Variants in FHIT observed in about 807,000 individuals in gnomAD.
FHIT encodes bis(5'-adenosyl)-triphosphatase.
In FHIT, 19 loss-of-function variants were observed where a neutral mutation model predicts 17.9. The ratio of observed to expected loss-of-function variants is 1.06; its 90% CI spans 0.74 to 1.56. The LOEUF (loss-of-function observed/expected upper bound fraction) is 1.56. Ranked by LOEUF, FHIT falls within the 40% of genes most tolerant of loss-of-function variation. FHIT has a pLI of 0.00. For missense variants in FHIT, 248 were observed against 189.2 expected (o/e 1.31, Z -1.82); for synonymous variants, 81 against 69.7 (o/e 1.16, Z -0.81).
intron 5 of FHIT, among the ~76,000 whole-genome samples, chr3:60,346,021 T>G (rs139443388): frequency 1.3e-3 from 201 of 152,344 alleles, no homozygotes; most frequent in African/African-American, 4.6e-3. Flanking sequence ...CTATTCTTCC[T>G]TTTAAGATTT....
At chr3:60,255,133 T>C (rs187177653) in intron 5 of FHIT, among the ~76,000 whole-genome samples, 5 of 152,322 alleles carry the variant, frequency 3.3e-5, no homozygotes, top group Admixed American at 2.0e-4. Context: ...AGGTTAAGAA[T>C]AAAGTGTCAT....
intron 5 of FHIT, among the ~76,000 whole-genome samples, chr3:60,375,147 C>T (rs1000777341): frequency 1.1e-4 from 16 of 151,308 alleles, no homozygotes; most frequent in South Asian, 6.3e-4. Flanking sequence ...AACACTTTCA[C>T]GGTAGCAATT....
At chr3:60,744,246 T>TAAAAAAAAAAAAAAAAAAAAAAAAAAA (rs368982395) in intron 4 of FHIT, among the ~76,000 whole-genome samples, 2 of 30,934 alleles carry the variant, frequency 6.5e-5, no homozygotes, top group Non-Finnish European at 1.1e-4. Context: ...GGAAGTAATG[T>TAAAAAAAAAAAAAAAAAAAAAAAAAAA]AAAAAAAAAA....
At chr3:60,330,749 G>C (rs918660664) in intron 5 of FHIT, among the ~76,000 whole-genome samples, 1 of 152,206 alleles carries the variant, frequency 6.6e-6, no homozygotes, top group Non-Finnish European at 1.5e-5. Context: ...CAGTTTGGTT[G>C]TCTACAGAAC....
intron 3 of FHIT, among the ~76,000 whole-genome samples, chr3:60,891,875 G>A (rs1553760783): frequency 6.6e-6 from 1 of 152,150 alleles, no homozygotes; most frequent in African/African-American, 2.4e-5. Flanking sequence ...AGTTAAGTGA[G>A]CAAACAAGGA....
intron 8 of FHIT, among the ~76,000 whole-genome samples, chr3:59,879,202 G>A (rs1703295963): frequency 6.6e-6 from 1 of 151,900 alleles, no homozygotes; most frequent in South Asian, 2.1e-4. Flanking sequence ...ATCTCTCTGT[G>A]GTTCTTGTGC....
At chr3:59,908,562 A>G in intron 8 of FHIT, among the ~76,000 whole-genome samples, 1 of 152,196 alleles carries the variant, frequency 6.6e-6, no homozygotes, top group East Asian at 1.9e-4. Context: ...GATGCACACA[A>G]GGACCAGGCA....
At chr3:60,097,831 A>G (rs9829898) in intron 5 of FHIT, among the ~76,000 whole-genome samples, 84,083 of 138,282 alleles carry the variant, frequency 0.61, 26,268 homozygotes, top group East Asian at 0.9. Flanking sequence ...ATCATTTAGC[A>G]TTAGGTATAT....
At chr3:60,990,814 T>A (rs577140351) in intron 3 of FHIT, among the ~76,000 whole-genome samples, 1 of 152,344 alleles carries the variant, frequency 6.6e-6, no homozygotes, top group East Asian at 1.9e-4. Flanking sequence ...GTCACATTTT[T>A]AAAATAAAAC....
intron 5 of FHIT, among the ~76,000 whole-genome samples, chr3:60,478,563 T>C (rs2033457554): frequency 6.6e-6 from 1 of 152,120 alleles, no homozygotes; most frequent in Non-Finnish European, 1.5e-5. Flanking sequence ...AGAGTAACGA[T>C]CATGGTGATG....
intron 8 of FHIT, among the ~76,000 whole-genome samples, chr3:59,874,929 A>G (rs1168316891): frequency 6.6e-6 from 1 of 152,212 alleles, no homozygotes. Flanking sequence ...ATTTTTCAAA[A>G]GCAAAGCCAA....
chr3:61,152,920 G>A (rs753212380), intron 2 of FHIT, among the ~76,000 whole-genome samples: 1 of 151,850 alleles, frequency 6.6e-6, no homozygotes, highest in Non-Finnish European at 1.5e-5. Flanking sequence ...GAGATGGGAG[G>A]ATCACAAGAT....
intron 3 of FHIT, among the ~76,000 whole-genome samples, chr3:60,885,735 T>G (rs1184969545): frequency 6.6e-6 from 1 of 152,210 alleles, no homozygotes; most frequent in African/African-American, 2.4e-5. Context: ...TCTTTTATAT[T>G]TGTTAACTTC....
Position 60,337,689 on chromosome 3 carries a change from T to C in FHIT, c.103+199171A>G, listed in dbSNP as rs111819563. On this transcript the variant is annotated intron_variant, in intron 5 of 9. Transcript: ENST00000492590. ...ACTGCACTGAGTTGCTTTGATAAAC[T>C]GAGTTATGATCCTGGGAGAGAGTAC... 3.1e-3 allele frequency among the ~76,000 whole-genome samples: 468 copies of C among 152,230 alleles called. 1 individual carries two copies. The highest frequency in any genetic ancestry group is 0.011 in the African/African-American group (448 of 41,536).
chr3:60,027,947 T>A (rs576064011), intron 5 of FHIT, among the ~76,000 whole-genome samples: 10 of 152,298 alleles, frequency 6.6e-5, no homozygotes, highest in Admixed American at 3.3e-4. Flanking sequence ...CATATTTAAT[T>A]GCATTTTGTT....
intron 5 of FHIT, among the ~76,000 whole-genome samples, chr3:60,235,394 C>A (rs1425173950): frequency 6.6e-6 from 1 of 151,972 alleles, no homozygotes; most frequent in Non-Finnish European, 1.5e-5. Context: ...CCAAGCCCAG[C>A]TAATTTCTGT....
chr3:60,945,193 CG>C (rs1292625026), intron 3 of FHIT, among the ~76,000 whole-genome samples: 5 of 151,724 alleles, frequency 3.3e-5, no homozygotes, highest in Non-Finnish European at 5.9e-5. Flanking sequence ...ACAAATATCT[CG>C]GGGAGAAGAT....
At chr3:60,826,040 G>A (rs1553740833) in intron 3 of FHIT, among the ~76,000 whole-genome samples, 4 of 152,130 alleles carry the variant, frequency 2.6e-5, no homozygotes, top group Admixed American at 6.5e-5. Context: ...ACGGATACTC[G>A]TTTTGGGATA....
chr3:61,078,166 C>T (rs1378789377), intron 2 of FHIT, among the ~76,000 whole-genome samples: 1 of 152,220 alleles, frequency 6.6e-6, no homozygotes, highest in South Asian at 2.1e-4. Context: ...ATTTTCATGA[C>T]AGACAGATTT....
Sources: allele counts gnomAD v4.1 joint callset (sites outside exome capture counted in the v4.1 genomes callset), GRCh38; gene constraint gnomAD v4.1.1; transcripts MANE v1.5; gene names NCBI Gene and HGNC (gene_info 2026-07-23, HGNC 2026-07-21).